The following PBX3 variants were observed in gnomAD, a reference collection of about 807,000 sequenced individuals.
PBX3 encodes the protein pre-B-cell leukemia transcription factor 3.
PBX3 carries 14 observed loss-of-function variants against 48.5 expected under a neutral mutation model. The observed-to-expected ratio is 0.29, with a 90% CI of 0.19 to 0.45. The LOEUF (loss-of-function observed/expected upper bound fraction) is 0.45, where lower values mean the gene tolerates loss of function less well. PBX3 is among the 20% of genes least tolerant of loss of function. PBX3 has a pLI of 1.00. For synonymous variants in PBX3, 210 were observed against 200.3 expected (o/e 1.05, Z -0.41); for missense variants, 386 against 546.7 (o/e 0.71, Z 2.93).
At chr9:125,915,060 T>C (rs990009762) in intron 2 of PBX3, among the ~76,000 whole-genome samples, 1 of 152,208 alleles carries the variant, frequency 6.6e-6, no homozygotes, top group Non-Finnish European at 1.5e-5. Context: ...TTTTATAGTT[T>C]GCTGGCAATT....
chr9:125,858,641 T>TTG (rs1554720823), intron 2 of PBX3, among the ~76,000 whole-genome samples: 1 of 151,078 alleles, frequency 6.6e-6, no homozygotes, highest in African/African-American at 2.4e-5. Context: ...TTTTTTTTTT[T>TTG]CAAGATGAAG....
At chr9:125,825,086 C>T (rs1483177264) in intron 2 of PBX3, among the ~76,000 whole-genome samples, 1 of 152,102 alleles carries the variant, frequency 6.6e-6, no homozygotes, top group Non-Finnish European at 1.5e-5. Context: ...GAGTTCGAGA[C>T]CAGCCTGGAT....
intron 2 of PBX3, among the ~76,000 whole-genome samples, chr9:125,820,013 T>G (rs1838601695): frequency 6.6e-6 from 1 of 152,240 alleles, no homozygotes; most frequent in Non-Finnish European, 1.5e-5. Context: ...CAAAGAAATC[T>G]ATTCCTATTC....
At chr9:125,922,253 A>T (rs1841472895) in intron 3 of PBX3, among the ~76,000 whole-genome samples, 1 of 152,216 alleles carries the variant, frequency 6.6e-6, no homozygotes, top group Non-Finnish European at 1.5e-5. Context: ...GAGAAAGGAA[A>T]AAATGGGAAA....
chr9:125,810,075 G>T (rs559838360), intron 2 of PBX3, among the ~76,000 whole-genome samples: 2 of 152,138 alleles, frequency 1.3e-5, no homozygotes. Flanking sequence ...GCAGAAAACT[G>T]CACTTGGCTG....
chr9:125,828,789 A>G (rs1838877160), intron 2 of PBX3, among the ~76,000 whole-genome samples: 1 of 152,238 alleles, frequency 6.6e-6, no homozygotes, highest in African/African-American at 2.4e-5. Context: ...CGTTGAGTCT[A>G]AACGTCGTTT....
intron 2 of PBX3, among the ~76,000 whole-genome samples, chr9:125,784,820 A>C (rs76154303): frequency 0.063 from 8,289 of 131,664 alleles, 732 homozygotes; most frequent in African/African-American, 0.2. Context: ...GTCATTTACG[A>C]CTGTGCCTTA....
chr9:125,898,257 C>G (rs1341083091), intron 2 of PBX3, among the ~76,000 whole-genome samples: 4 of 151,732 alleles, frequency 2.6e-5, no homozygotes, highest in African/African-American at 4.8e-5. Flanking sequence ...ACCTCTACCT[C>G]TCTTCCCTAG....
chr9:125,940,489 A>G (rs1841937180), intron 5 of PBX3, among the ~76,000 whole-genome samples: 3 of 152,216 alleles, frequency 2.0e-5, no homozygotes, highest in Admixed American at 2.0e-4. Context: ...AACCAGACAG[A>G]CCCATGTCCT....
intron 2 of PBX3, among the ~76,000 whole-genome samples, chr9:125,889,554 G>T (rs1003255867): frequency 4.6e-5 from 7 of 152,146 alleles, no homozygotes; most frequent in Non-Finnish European, 7.4e-5. Flanking sequence ...GCTCTCAGTG[G>T]CATTTGCAAT....
intron 2 of PBX3, among the ~76,000 whole-genome samples, chr9:125,776,882 A>G (rs1837086544): frequency 6.6e-6 from 1 of 152,168 alleles, no homozygotes; most frequent in Admixed American, 6.5e-5. Context: ...GGAATCAGAT[A>G]GAAGTATTGT....
At chr9:125,942,810 A>G (rs575395597) in intron 5 of PBX3, among the ~76,000 whole-genome samples, 1 of 152,230 alleles carries the variant, frequency 6.6e-6, no homozygotes, top group Non-Finnish European at 1.5e-5. Context: ...TGCGCAGAGA[A>G]TAAAAGAGCA....
intron 3 of PBX3, among the ~76,000 whole-genome samples, chr9:125,926,676 C>T (rs773839338): frequency 2.0e-5 from 3 of 151,378 alleles, no homozygotes; most frequent in Non-Finnish European, 2.9e-5. Context: ...AAAAATTACC[C>T]GGGCATGGTG....
chr9:125,747,748 C>A, intron 1 of PBX3, 95 bp downstream of exon 1: 1 of 911,836 alleles, frequency 1.1e-6, no homozygotes, highest in Non-Finnish European at 1.5e-6. Context: ...GCTAGGGCCG[C>A]AGCCCCCGGC....
intron 2 of PBX3, among the ~76,000 whole-genome samples, chr9:125,780,421 C>T (rs1415397679): frequency 8.1e-6 from 1 of 123,884 alleles, no homozygotes. Flanking sequence ...GGCTGACCCC[C>T]CCCCCACCTC....
intron 2 of PBX3, among the ~76,000 whole-genome samples, chr9:125,766,292 C>G (rs1452248737): frequency 6.6e-6 from 1 of 151,930 alleles, no homozygotes; most frequent in African/African-American, 2.4e-5. Flanking sequence ...TATAAGAAAA[C>G]TGCCATAGCT....
At chr9:125,876,390 A>G (rs1194307004) in intron 2 of PBX3, among the ~76,000 whole-genome samples, 1 of 152,150 alleles carries the variant, frequency 6.6e-6, no homozygotes, top group African/African-American at 2.4e-5. Context: ...GCCACTCTTG[A>G]GACAGCAGGA....
intron 2 of PBX3, among the ~76,000 whole-genome samples, chr9:125,761,588 C>T (rs1836669048): frequency 6.6e-6 from 1 of 151,922 alleles, no homozygotes; most frequent in South Asian, 2.1e-4. Context: ...AGCTACAGGG[C>T]CCCACTCATC....
chr9:125,931,213 A>G (rs888746187), intron 4 of PBX3, among the ~76,000 whole-genome samples: 4 of 152,210 alleles, frequency 2.6e-5, no homozygotes, highest in African/African-American at 7.2e-5. Context: ...TTTACCATGA[A>G]TACATGAACA....
Sources: gnomAD v4.1 joint callset for allele counts (sites outside exome capture counted in the v4.1 genomes callset) on GRCh38, gnomAD v4.1.1 for gene constraint, MANE v1.5 for transcripts, NCBI Gene and HGNC (gene_info 2026-07-23, HGNC 2026-07-21) for gene names.